SPATS2: variants seen among roughly 807,000 people sequenced by gnomAD.
SPATS2 encodes the protein spermatogenesis associated serine rich 2.
A neutral mutation model predicts 63.7 loss-of-function variants in SPATS2; 38 were observed. The observed-to-expected ratio is 0.60, with a 90% CI of 0.46 to 0.78. The LOEUF (loss-of-function observed/expected upper bound fraction) is 0.78. Among genes scored for constraint, SPATS2 ranks in the 30% least tolerant of loss-of-function variants. The probability of loss-of-function intolerance (pLI) is 0.00; values close to 1 mark genes in which losing one functional copy is unlikely to be tolerated. For synonymous variants in SPATS2, 207 were observed against 232.9 expected (o/e 0.89, Z 1.01); for missense variants, 588 against 666.2 (o/e 0.88, Z 1.29).
intron 2 of SPATS2, among the ~76,000 whole-genome samples, chr12:49,401,118 C>T (rs1315114730): frequency 6.6e-6 from 1 of 152,076 alleles, no homozygotes; most frequent in Non-Finnish European, 1.5e-5. Context: ...ATAAGCTGTC[C>T]TCCTGTCTCA....
chr12:49,419,096 G>A (rs1944937494), intron 2 of SPATS2, among the ~76,000 whole-genome samples: 1 of 152,182 alleles, frequency 6.6e-6, no homozygotes, highest in African/African-American at 2.4e-5. Flanking sequence ...TTTGGAGGGA[G>A]TAGGGGTGGG....
At chr12:49,484,554 G>T (rs372737150) in intron 3 of SPATS2, 36 bp from the exon 4 acceptor site, 2 of 1,593,946 alleles carry the variant, frequency 1.3e-6, no homozygotes, top group Non-Finnish European at 1.7e-6. Context: ...ATTATATTTG[G>T]ATCATGTTGA....
At position 49,380,135 on chromosome 12, in the gene SPATS2, T is replaced by G. The variant is rs79647292; in HGVS notation, c.-244+8845T>G. Among the ~76,000 whole-genome samples the G allele has an allele frequency of 7.2e-5, 11 of 151,950 alleles. No homozygotes were observed. The East Asian group carries it at 1.9e-3, about 27-fold the overall frequency. On this transcript the variant is annotated intron_variant, in intron 2 of 13. Transcript: ENST00000552918. ...TAGCATAATGTTGAGACTTAACCACTGGTCTCATGTATCAACCTCATTCCT... is the reference window on the plus strand; with the variant it reads ...TAGCATAATGTTGAGACTTAACCACGGGTCTCATGTATCAACCTCATTCCT...
chr12:49,402,176 T>C (rs1349008121), intron 2 of SPATS2, among the ~76,000 whole-genome samples: 1 of 152,186 alleles, frequency 6.6e-6, no homozygotes, highest in African/African-American at 2.4e-5. Context: ...CTCCCGAATG[T>C]CCTAAATGTT....
intron 2 of SPATS2, among the ~76,000 whole-genome samples, chr12:49,394,339 CAAAAA>C (rs35693643): frequency 1.2e-5 from 1 of 82,018 alleles, no homozygotes. Context: ...ACCTTGTCTC[CAAAAA>C]AAAAAAAAAA....
At chr12:49,390,542 G>T (rs1015538822) in intron 2 of SPATS2, among the ~76,000 whole-genome samples, 3 of 152,144 alleles carry the variant, frequency 2.0e-5, no homozygotes, top group African/African-American at 7.2e-5. Flanking sequence ...ACTGTTTTGT[G>T]AATGGAAGAT....
At chr12:49,469,629 A>C (rs567734649) in intron 3 of SPATS2, 2 of 409,288 alleles carry the variant, frequency 4.9e-6, no homozygotes, top group Admixed American at 3.0e-5. Flanking sequence ...AGTGGCTCAC[A>C]TCTGTAATTC....
intron 10 of SPATS2, among the ~76,000 whole-genome samples, chr12:49,517,598 C>T (rs1286976001): frequency 6.6e-6 from 1 of 152,136 alleles, no homozygotes; most frequent in African/African-American, 2.4e-5. Flanking sequence ...TCCCAGATGA[C>T]ATTAGGGACC....
At chr12:49,408,589 T>C (rs1417353367) in intron 2 of SPATS2, among the ~76,000 whole-genome samples, 1 of 117,032 alleles carries the variant, frequency 8.5e-6, no homozygotes, top group Admixed American at 8.3e-5. Context: ...AGAGTCTTGC[T>C]CTGCCGCCCA....
At chr12:49,522,530 C>T (rs549945398) in intron 11 of SPATS2, among the ~76,000 whole-genome samples, 1 of 152,286 alleles carries the variant, frequency 6.6e-6, no homozygotes, top group East Asian at 1.9e-4. Context: ...TGGGCTTTAG[C>T]CATCATGTAG....
In SPATS2 at chr12:49,500,757, G is replaced by A. The variant is rs556824742; in HGVS notation, c.839+552G>A. ...ACTGCACTCCAGGCTGGGCGACAGA[G>A]CGAAACTCTGTCTCAAAAAAAGAAA... On this transcript the variant is annotated intron_variant, in intron 9 of 13. Coordinates refer to ENST00000552918, the MANE Select transcript of SPATS2 (RefSeq NM_023071.4). 5.2e-4 allele frequency among the ~76,000 whole-genome samples: 79 copies of A among 151,810 alleles called. 1 individual carries two copies. The highest frequency in any genetic ancestry group is 1.1e-3 in the Non-Finnish European group (72 of 67,964).
intron 2 of SPATS2, among the ~76,000 whole-genome samples, chr12:49,372,940 T>TTGTGTGTGTGTGTGTG (rs56940721): frequency 2.3e-5 from 3 of 130,050 alleles, no homozygotes; most frequent in Non-Finnish European, 3.3e-5. Flanking sequence ...ATTTTCTGTT[T>TTGTGTGTGTGTGTGTG]TGTGTGTGTG....
At chr12:49,406,209 G>A (rs1049371887) in intron 2 of SPATS2, among the ~76,000 whole-genome samples, 1 of 151,886 alleles carries the variant, frequency 6.6e-6, no homozygotes, top group African/African-American at 2.4e-5. Context: ...TGACATATAT[G>A]TACAGTTGTT....
At chr12:49,448,430 C>T (rs188637091) in intron 2 of SPATS2, among the ~76,000 whole-genome samples, 4 of 152,080 alleles carry the variant, frequency 2.6e-5, no homozygotes, top group East Asian at 3.9e-4. Flanking sequence ...TGAGCCACCA[C>T]GCCTGGCTAT....
At chr12:49,432,133 A>G (rs1200487164) in intron 2 of SPATS2, among the ~76,000 whole-genome samples, 1 of 152,182 alleles carries the variant, frequency 6.6e-6, no homozygotes, top group Non-Finnish European at 1.5e-5. Context: ...ACACCTCAGT[A>G]CCTGTGTGTT....
chr12:49,431,857 C>T (rs542511559), intron 2 of SPATS2, among the ~76,000 whole-genome samples: 88 of 152,074 alleles, frequency 5.8e-4, no homozygotes, highest in African/African-American at 2.0e-3. Flanking sequence ...ACATATGAAA[C>T]CCTGTGTTTA....
In SPATS2 at chr12:49,390,783, G is replaced by A. The variant is rs879155500; in HGVS notation, c.-244+19493G>A. The stretch of plus-strand genomic sequence containing the variant: ...TAACAATTGTCCATAACTTGTTTAA[G>A]TATAAGAAATACCATTTCAGGAATG... On this transcript the variant is annotated intron_variant, in intron 2 of 13. Coordinates refer to ENST00000552918, the MANE Select transcript of SPATS2 (RefSeq NM_023071.4). 1.1e-4 allele frequency among the ~76,000 whole-genome samples: 16 copies of A among 152,216 alleles called. No homozygotes were observed. The South Asian group carries it at 2.1e-3, about 20-fold the overall frequency.
At chr12:49,513,036 G>A (rs970421552) in intron 9 of SPATS2, 16 of 629,426 alleles carry the variant, frequency 2.5e-5, no homozygotes, top group Middle Eastern at 4.2e-4. Flanking sequence ...AACATCATGC[G>A]TAACGATTAT....
Position 49,490,741 on chromosome 12 carries a change from A to G in SPATS2, c.264+10A>G, listed in dbSNP as rs1031498774. The G allele has an allele frequency of 1.9e-6, 3 of 1,612,626 alleles. No homozygotes were observed. In the African/African-American group the frequency reaches 4.0e-5, roughly 22 times the overall value. On this transcript the variant is annotated intron_variant, in intron 6 of 13. Transcript: ENST00000552918. The stretch of plus-strand genomic sequence containing the variant: ...AACAGGCAAGAAAAAGGTAAAATGA[A>G]TTACATTTAAAAGCATGATGATGTG...
Sources: gnomAD v4.1 joint callset for allele counts (sites outside exome capture counted in the v4.1 genomes callset) on GRCh38, gnomAD v4.1.1 for gene constraint, MANE v1.5 for transcripts, NCBI Gene and HGNC (gene_info 2026-07-23, HGNC 2026-07-21) for gene names.